IL21R: variants seen among roughly 807,000 people sequenced by gnomAD.
The protein encoded by IL21R is interleukin-21 receptor.
IL21R carries 14 observed loss-of-function variants against 41.3 expected under a neutral mutation model. The ratio of observed to expected loss-of-function variants is 0.34; its 90% CI spans 0.22 to 0.53. IL21R has a LOEUF of 0.53. Ranked by LOEUF, IL21R falls within the 20% of genes least tolerant of loss-of-function variation. The pLI, the probability that IL21R is intolerant of heterozygous loss-of-function variation, is 0.94. For synonymous variants in IL21R, 286 were observed against 287.6 expected, an observed-to-expected ratio of 0.99 and a Z score of 0.05; for missense variants, 588 against 681.6, an observed-to-expected ratio of 0.86 and a Z score of 1.53.
intron 1 of IL21R, 67 bp from the exon 2 acceptor site, chr16:27,429,989 G>A: frequency 2.9e-6 from 4 of 1,367,652 alleles, no homozygotes; most frequent in Non-Finnish European, 4.1e-6. Context: ...GGAAGAGACA[G>A]GATGAGGGGG....
At chr16:27,403,824 G>GC (rs1261833608) in intron 1 of IL21R, among the ~76,000 whole-genome samples, 6 of 152,122 alleles carry the variant, frequency 3.9e-5, no homozygotes, top group East Asian at 1.9e-4. Flanking sequence ...CCTGGCTCTG[G>GC]CCCCCCCAGT....
intron 2 of IL21R, among the ~76,000 whole-genome samples, chr16:27,430,543 G>A (rs2087153332): frequency 6.6e-6 from 1 of 152,156 alleles, no homozygotes; most frequent in Non-Finnish European, 1.5e-5. Flanking sequence ...TGCACCGGGT[G>A]CGGTGGCTCC....
At chr16:27,407,153 T>C (rs1206363822) in intron 1 of IL21R, among the ~76,000 whole-genome samples, 1 of 152,192 alleles carries the variant, frequency 6.6e-6, no homozygotes, top group African/African-American at 2.4e-5. Flanking sequence ...TCACTTAACA[T>C]TCTTCTTCAG....
At position 27,449,491 on chromosome 16, in the gene IL21R, TG is replaced by T. The variant is rs2087553297; in HGVS notation, c.*210del. ...GTGTGTGTGTGTCTTAGGTGCGCAG[TG>T]GCATGTCCACGTGTGTGTGTGATTG... On this transcript the variant is annotated 3_prime_UTR_variant, in exon 9 of 9. Transcript: ENST00000337929. 1 of 598,034 alleles carries T rather than the reference TG, an allele frequency of 1.7e-6. No individual in the cohort carries two copies. Among genetic ancestry groups the T allele is most frequent in the Admixed American group, 3.2e-5 (1 of 31,384 alleles). The allele number at this position is 598,034 out of a possible 1,614,324, so 37.0% of individuals were successfully genotyped here. A position where few individuals can be genotyped will look rare whatever the true frequency, so the allele number is the denominator to read the frequency against.
intron 1 of IL21R, among the ~76,000 whole-genome samples, chr16:27,428,030 G>T (rs536728840): frequency 6.6e-6 from 1 of 152,080 alleles, no homozygotes; most frequent in Non-Finnish European, 1.5e-5. Context: ...ATACAAATAT[G>T]GCCAAAATTT....
In IL21R at chr16:27,450,957, G is replaced by C. The variant is rs2087586456; in HGVS notation, c.*1674G>C. 8.6e-6 allele frequency: 2 copies of C among 232,602 alleles called. No homozygotes were observed. The highest frequency in any genetic ancestry group is 1.2e-4 in the East Asian group (2 of 16,598). 14.4% of individuals were successfully genotyped at this position (232,602 alleles called of 1,614,324 possible). Reference sequence around the variant, plus strand: ...TCTGTGAAGTGGGGTGGTTGGGAGAGGTAGCTGAGAGAATGCATGAGAGTC... The same window carrying C: ...TCTGTGAAGTGGGGTGGTTGGGAGACGTAGCTGAGAGAATGCATGAGAGTC... On this transcript the variant is annotated 3_prime_UTR_variant, in exon 9 of 9. Coordinates refer to ENST00000337929, the MANE Select transcript of IL21R (RefSeq NM_181078.3).
intron 8 of IL21R, chr16:27,447,798 G>C (rs1251104478): frequency 6.6e-6 from 1 of 152,390 alleles, no homozygotes; most frequent in Non-Finnish European, 1.5e-5. Context: ...AACCAGGAGA[G>C]TGCTAGGTTT....
At chr16:27,434,477 G>C (rs200179643) in intron 3 of IL21R, 28 bp downstream of exon 3, 1 of 1,450,732 alleles carries the variant, frequency 6.9e-7, no homozygotes. Context: ...ACCAGTCCCC[G>C]GGGATGCAAT....
intron 1 of IL21R, among the ~76,000 whole-genome samples, chr16:27,408,213 C>G (rs759341091): frequency 2.0e-5 from 3 of 152,096 alleles, no homozygotes; most frequent in Non-Finnish European, 2.9e-5. Context: ...TTGGAGAGGT[C>G]AAAGATTGAC....
chr16:27,431,337 A>G (rs1203755276), intron 2 of IL21R, among the ~76,000 whole-genome samples: 1 of 152,184 alleles, frequency 6.6e-6, no homozygotes, highest in East Asian at 1.9e-4. Flanking sequence ...CCCTGGCTGC[A>G]TGCAAAGCTC....
At chr16:27,431,816 G>A (rs551851185) in intron 2 of IL21R, among the ~76,000 whole-genome samples, 10 of 152,202 alleles carry the variant, frequency 6.6e-5, no homozygotes, top group South Asian at 2.1e-4. Flanking sequence ...GCTAATTTTC[G>A]TATTTTTAGT....
chr16:27,405,332 C>G (rs1210940791), intron 1 of IL21R, among the ~76,000 whole-genome samples: 1 of 151,960 alleles, frequency 6.6e-6, no homozygotes, highest in Non-Finnish European at 1.5e-5. Flanking sequence ...CGTGACCGGC[C>G]TATGTTTTAC....
intron 1 of IL21R, among the ~76,000 whole-genome samples, chr16:27,407,921 G>C (rs1039836664): frequency 2.6e-5 from 4 of 152,134 alleles, no homozygotes; most frequent in African/African-American, 9.7e-5. Flanking sequence ...GGTCAAAAAG[G>C]GTAAGATTTA....
chr16:27,429,682 G>A (rs190730196), intron 1 of IL21R, among the ~76,000 whole-genome samples: 63 of 152,306 alleles, frequency 4.1e-4, no homozygotes, highest in Admixed American at 3.1e-3. Context: ...GCTGATGCAG[G>A]AGGATCGCTT....
chr16:27,417,390 C>T (rs951195061), intron 1 of IL21R, among the ~76,000 whole-genome samples: 3 of 152,176 alleles, frequency 2.0e-5, no homozygotes, highest in African/African-American at 7.2e-5. Flanking sequence ...TAGTCTCAAA[C>T]TCCTGGGCTC....
chr16:27,414,883 C>T (rs1167430785), intron 1 of IL21R, among the ~76,000 whole-genome samples: 1 of 152,100 alleles, frequency 6.6e-6, no homozygotes, highest in African/African-American at 2.4e-5. Flanking sequence ...CTTGTACTAA[C>T]TTGCTATAAC....
At chr16:27,426,121 T>C (rs2087072831) in intron 1 of IL21R, among the ~76,000 whole-genome samples, 1 of 152,214 alleles carries the variant, frequency 6.6e-6, no homozygotes, top group Admixed American at 6.5e-5. Context: ...AGGCAGGTGC[T>C]GTGATTATCA....
intron 5 of IL21R, 124 bp downstream of exon 5, chr16:27,443,240 C>T (rs1000441837): frequency 1.3e-5 from 11 of 823,104 alleles, no homozygotes; most frequent in African/African-American, 3.5e-5. Context: ...AGACCAAGGG[C>T]ACGAGCACTC....
intron 5 of IL21R, 63 bp from the exon 6 acceptor site, chr16:27,444,479 G>T (rs1316462798): frequency 2.5e-6 from 3 of 1,214,538 alleles, no homozygotes; most frequent in Non-Finnish European, 3.3e-6. Context: ...AGGTGGCTCT[G>T]CTGGAGGCAG....
Sources: gnomAD v4.1 joint callset for allele counts (sites outside exome capture counted in the v4.1 genomes callset) on GRCh38, gnomAD v4.1.1 for gene constraint, MANE v1.5 for transcripts, NCBI Gene and HGNC (gene_info 2026-07-23, HGNC 2026-07-21) for gene names.